Variants in PITPNM2 observed in about 807,000 individuals in gnomAD.
PITPNM2 encodes membrane-associated phosphatidylinositol transfer protein 2.
In PITPNM2, 35 loss-of-function variants were observed where a neutral mutation model predicts 132.2. That is an observed-to-expected ratio of 0.26 (90% CI 0.20 to 0.35). The LOEUF is 0.35. Among genes scored for constraint, PITPNM2 ranks in the 10% least tolerant of loss-of-function variants. PITPNM2 has a pLI of 1.00. For synonymous variants in PITPNM2, 738 were observed against 799.2 expected (o/e 0.92, Z 1.29); for missense variants, 1,332 against 1,912.0 (o/e 0.70, Z 5.66).
intron 2 of PITPNM2, among the ~76,000 whole-genome samples, chr12:123,041,210 G>C (rs2040461112): frequency 6.6e-6 from 1 of 152,202 alleles, no homozygotes; most frequent in African/African-American, 2.4e-5. Flanking sequence ...ATGAGGTGAT[G>C]CACATGAAGT....
chr12:123,049,222 G>T (rs1411418899), intron 2 of PITPNM2, among the ~76,000 whole-genome samples: 1 of 152,122 alleles, frequency 6.6e-6, no homozygotes, highest in Non-Finnish European at 1.5e-5. Context: ...GCTGCCTGAG[G>T]GTTCCATAAC....
In PITPNM2 at chr12:123,106,791, C is replaced by A. The variant is rs1287992077; in HGVS notation, c.-96+3594G>T. Among the ~76,000 whole-genome samples the A allele has an allele frequency of 1.3e-5, 2 of 152,196 alleles. No homozygotes were observed. The highest frequency in any genetic ancestry group is 2.9e-5 in the Non-Finnish European group (2 of 68,034). On this transcript the variant is annotated intron_variant, in intron 2 of 25. Coordinates refer to ENST00000320201, the MANE Select transcript of PITPNM2 (RefSeq NM_020845.3). This position sits in a 1 kb window ranked among gnomAD's most constrained non-coding sequence, Gnocchi z 4.4. ...TGCTCCAGGGCATGAGGGCACTCAGCCCTCTACTTCCTCTCCATAACCTCC... is the reference window on the plus strand; with the variant it reads ...TGCTCCAGGGCATGAGGGCACTCAGACCTCTACTTCCTCTCCATAACCTCC...
rs1006941846 is a variant in PITPNM2, at chr12:123,097,978, A to G, written c.-96+12407T>C. Among the ~76,000 whole-genome samples, 1 of 152,242 alleles carries G rather than the reference A, an allele frequency of 6.6e-6. No individual in the cohort carries two copies. The highest frequency in any genetic ancestry group is 1.5e-5 in the Non-Finnish European group (1 of 68,040). On this transcript the variant is annotated intron_variant, in intron 2 of 25. Transcript: ENST00000320201. This position sits in a 1 kb window ranked among gnomAD's most constrained non-coding sequence, Gnocchi z 4.7. Reference sequence around the variant, plus strand: ...TCGAAAATGATACATCACAGCCGCCAGGCCACAGGGAGACCAAAGGTGACA... The same window carrying G: ...TCGAAAATGATACATCACAGCCGCCGGGCCACAGGGAGACCAAAGGTGACA...
In PITPNM2 at chr12:123,117,323, A is replaced by G. The variant is rs987702377; in HGVS notation, c.-199-6835T>C. 6.6e-6 allele frequency among the ~76,000 whole-genome samples: 1 copy of G among 151,594 alleles called. No individual in the cohort carries two copies. Among genetic ancestry groups the G allele is most frequent in the Non-Finnish European group, 1.5e-5 (1 of 68,020 alleles). ...GAGTAAGCTGGCCATCAGATGATCA[A>G]CTCAAGCTGTCACTTAATTACACGA... On this transcript the variant is annotated intron_variant, in intron 1 of 25. Coordinates refer to ENST00000320201, the MANE Select transcript of PITPNM2 (RefSeq NM_020845.3). The surrounding 1 kb of genome is among the most constrained non-coding windows in gnomAD (Gnocchi z 4.7).
Position 123,008,027 on chromosome 12 carries a change from A to G in PITPNM2, c.643+1823T>C, listed in dbSNP as rs2039014683. 6.6e-6 allele frequency among the ~76,000 whole-genome samples: 1 copy of G among 152,238 alleles called. No individual in the cohort carries two copies. Among genetic ancestry groups the G allele is most frequent in the South Asian group, 2.1e-4 (1 of 4,832 alleles). On this transcript the variant is annotated intron_variant, in intron 6 of 25. Transcript: ENST00000320201. The surrounding 1 kb of genome is among the most constrained non-coding windows in gnomAD (Gnocchi z 4.1). Reference sequence around the variant, plus strand: ...TTCTGAACCCACGGTCTCGGCCCACAACAGTCCGATAGGATCGGTGTCATT... The same window carrying G: ...TTCTGAACCCACGGTCTCGGCCCACGACAGTCCGATAGGATCGGTGTCATT...
intron 8 of PITPNM2, among the ~76,000 whole-genome samples, chr12:123,001,924 G>A (rs1160609803): frequency 3.9e-5 from 6 of 152,018 alleles, no homozygotes; most frequent in Non-Finnish European, 7.4e-5. Flanking sequence ...TCAGCTACTC[G>A]GGAGGCTGAG....
rs148288498 is a variant in PITPNM2, at chr12:123,082,355, C to T, written c.-96+28030G>A. ...TTCTAATTTTCTTCAGAGCGTTGAT[C>T]GTTATCTAGTACCCGACTTACTTTT... On this transcript the variant is annotated intron_variant, in intron 2 of 25. Coordinates refer to ENST00000320201, the MANE Select transcript of PITPNM2 (RefSeq NM_020845.3). The surrounding 1 kb of genome is among the most constrained non-coding windows in gnomAD (Gnocchi z 5.4). Among the ~76,000 whole-genome samples, 51 of 152,306 alleles carry T rather than the reference C, an allele frequency of 3.3e-4. 1 individual carries two copies. The East Asian group carries it at 5.4e-3, about 16-fold the overall frequency.
chr12:123,007,431 G>A lies in PITPNM2; in HGVS notation c.644-1883C>T, dbSNP rs1302939088. On this transcript the variant is annotated intron_variant, in intron 6 of 25. Coordinates refer to ENST00000320201, the MANE Select transcript of PITPNM2 (RefSeq NM_020845.3). ...GGGGATTTCTCCAGGGGACAAACCT[G>A]GGAGAAGCAATCTCAGGGCATGTAC... The A allele has an allele frequency of 2.2e-5, 10 of 456,156 alleles. No individual in the cohort carries two copies. The East Asian group carries it at 5.6e-4, about 25-fold the overall frequency. 28.3% of individuals were successfully genotyped at this position (456,156 alleles called of 1,614,324 possible).
intron 3 of PITPNM2, among the ~76,000 whole-genome samples, chr12:123,018,034 T>TCCTC (rs1196290965): frequency 0.03 from 3,227 of 106,230 alleles, 115 homozygotes; most frequent in Non-Finnish European, 0.042. Flanking sequence ...CTTCCTTCCT[T>TCCTC]CCTCCCTCCC....
intron 2 of PITPNM2, among the ~76,000 whole-genome samples, chr12:123,048,793 A>T (rs1414105592): frequency 6.6e-6 from 1 of 152,184 alleles, no homozygotes; most frequent in East Asian, 1.9e-4. Flanking sequence ...TTATGGTTAT[A>T]TAACAGTGTG....
intron 2 of PITPNM2, among the ~76,000 whole-genome samples, chr12:123,105,869 C>G (rs1041975284): frequency 6.6e-6 from 1 of 152,180 alleles, no homozygotes; most frequent in Non-Finnish European, 1.5e-5. Flanking sequence ...TGCTGAGAAC[C>G]TGCAGGCAGA....
rs546668281 is a variant in PITPNM2, at chr12:123,022,025, C to T, written c.79-7983G>A. On this transcript the variant is annotated intron_variant, in intron 3 of 25. Coordinates refer to ENST00000320201, the MANE Select transcript of PITPNM2 (RefSeq NM_020845.3). This position sits in a 1 kb window ranked among gnomAD's most constrained non-coding sequence, Gnocchi z 4.9. ...CCAGCAAGGAGAGTGGCAGGGGAAT[C>T]GCCATGGCTCCAAAGCCAGATGTCT... Among the ~76,000 whole-genome samples, 3 of 152,284 alleles carry T rather than the reference C, an allele frequency of 2.0e-5. No individual in the cohort carries two copies. The highest frequency in any genetic ancestry group is 4.8e-5 in the African/African-American group (2 of 41,544).
chr12:123,017,648 G>C (rs112781307), intron 3 of PITPNM2, among the ~76,000 whole-genome samples: 1 of 152,182 alleles, frequency 6.6e-6, no homozygotes, highest in South Asian at 2.1e-4. Flanking sequence ...ATAAAATGTG[G>C]TCTATCCATA....
At chr12:123,014,137 G>A in intron 3 of PITPNM2, 95 bp from the exon 4 acceptor site, 1 of 1,348,582 alleles carries the variant, frequency 7.4e-7, no homozygotes, top group South Asian at 1.3e-5. Context: ...TGTGGAAAGG[G>A]AGGAGGGGCT....
At chr12:123,048,961 C>A (rs1003160478) in intron 2 of PITPNM2, among the ~76,000 whole-genome samples, 1 of 151,964 alleles carries the variant, frequency 6.6e-6, no homozygotes, top group African/African-American at 2.4e-5. Context: ...TAGTGAGACC[C>A]CATTTCTACA....
In PITPNM2 at chr12:123,034,646, A is replaced by G. The variant is rs756561598; in HGVS notation, c.-56T>C. On this transcript the variant is annotated 5_prime_UTR_variant, in exon 3 of 26. Transcript: ENST00000320201. Reference sequence around the variant, plus strand: ...AACTGCAAGTTGGGACTTCTAGGCAAGGTTCCTTAAATAACCATGACAAAA... The same window carrying G: ...AACTGCAAGTTGGGACTTCTAGGCAGGGTTCCTTAAATAACCATGACAAAA... The G allele has an allele frequency of 2.0e-6, 3 of 1,506,238 alleles. No individual in the cohort carries two copies. Among genetic ancestry groups the G allele is most frequent in the Non-Finnish European group, 2.8e-6 (3 of 1,081,808 alleles). The allele number at this position is 1,506,238 out of a possible 1,614,324, so 93.3% of individuals were successfully genotyped here. A position where few individuals can be genotyped will look rare whatever the true frequency, so the allele number is the denominator to read the frequency against.
chr12:123,044,774 C>T lies in PITPNM2; in HGVS notation c.-95-10089G>A, dbSNP rs545427844. ...ATACCTTCTCTCCATCTTGAGTCTTCGTTACTTTTTTATCATTAATTTTTT... is the reference window on the plus strand; with the variant it reads ...ATACCTTCTCTCCATCTTGAGTCTTTGTTACTTTTTTATCATTAATTTTTT... On this transcript the variant is annotated intron_variant, in intron 2 of 25. Transcript: ENST00000320201. 9.9e-5 allele frequency among the ~76,000 whole-genome samples: 15 copies of T among 152,198 alleles called. No individual in the cohort carries two copies. In the East Asian group the frequency reaches 1.4e-3, roughly 14 times the overall value.
chr12:123,148,325 G>A (rs1170268040), intron 1 of PITPNM2, among the ~76,000 whole-genome samples: 1 of 152,114 alleles, frequency 6.6e-6, no homozygotes, highest in South Asian at 2.1e-4. Flanking sequence ...TTGACTCTGC[G>A]GTCATAAGCA....
chr12:123,086,196 C>T (rs2042107379), intron 2 of PITPNM2, among the ~76,000 whole-genome samples: 1 of 152,238 alleles, frequency 6.6e-6, no homozygotes, highest in Non-Finnish European at 1.5e-5. Flanking sequence ...GGCCCCAACA[C>T]TATGACATGC....
Sources: gnomAD v4.1 joint callset for allele counts (sites outside exome capture counted in the v4.1 genomes callset) on GRCh38, gnomAD v4.1.1 for gene constraint, Gnocchi (gnomAD v3.1) non-coding constraint, MANE v1.5 for transcripts, NCBI Gene and HGNC (gene_info 2026-07-23, HGNC 2026-07-21) for gene names.